ZNF385D: variants seen among roughly 807,000 people sequenced by gnomAD.
The protein encoded by ZNF385D is zinc finger protein 385D.
ZNF385D carries 15 observed loss-of-function variants against 35.8 expected under a neutral mutation model. The ratio of observed to expected loss-of-function variants is 0.42; its 90% CI spans 0.28 to 0.64. The LOEUF is 0.64. Ranked by LOEUF, ZNF385D falls within the 30% of genes least tolerant of loss-of-function variation. The pLI, the probability that ZNF385D is intolerant of heterozygous loss-of-function variation, is 0.23. For missense variants in ZNF385D, 474 were observed against 494.6 expected (o/e 0.96, Z 0.39); for synonymous variants, 212 against 186.8 (o/e 1.13, Z -1.10).
chr3:22,206,629 G>C (rs140686145), intron 2 of ZNF385D, among the ~76,000 whole-genome samples: 93 of 151,942 alleles, frequency 6.1e-4, no homozygotes, highest in African/African-American at 2.0e-3. Flanking sequence ...GCGGAAGTTT[G>C]AGAACTATAC....
chr3:22,267,900 T>A (rs1049822806), intron 2 of ZNF385D, among the ~76,000 whole-genome samples: 1 of 151,990 alleles, frequency 6.6e-6, no homozygotes, highest in African/African-American at 2.4e-5. Flanking sequence ...AATGTGTTTC[T>A]ACTTAAAGTA....
chr3:21,592,156 A>T lies in ZNF385D; in HGVS notation c.166-27472T>A, dbSNP rs548817775. On this transcript the variant is annotated intron_variant, in intron 2 of 7. Transcript: ENST00000281523. ...CTATAGTTTCTGGCATAATTTTTTC[A>T]TAATTATGATTTATGGTTATTAGTT... 3.9e-5 allele frequency among the ~76,000 whole-genome samples: 6 copies of T among 152,258 alleles called. No individual in the cohort carries two copies. In the South Asian group the frequency reaches 1.2e-3, roughly 32 times the overall value.
chr3:21,918,378 T>C (rs1286291839), intron 3 of ZNF385D, among the ~76,000 whole-genome samples: 7 of 152,152 alleles, frequency 4.6e-5, no homozygotes, highest in African/African-American at 1.7e-4. Flanking sequence ...GTTACTATCA[T>C]TGTTGTTATT....
intron 3 of ZNF385D, among the ~76,000 whole-genome samples, chr3:21,772,944 G>T (rs906365091): frequency 1.3e-5 from 2 of 151,822 alleles, no homozygotes; most frequent in African/African-American, 4.8e-5. Context: ...AAGTGAAATA[G>T]CCAATCACTA....
chr3:22,144,481 G>T (rs1466006232), intron 3 of ZNF385D, among the ~76,000 whole-genome samples: 1 of 144,700 alleles, frequency 6.9e-6, no homozygotes, highest in Non-Finnish European at 1.5e-5. Flanking sequence ...GGCTAAGGCA[G>T]GAAATTGCTT....
chr3:21,624,689 G>A lies in ZNF385D; in HGVS notation c.165+40197C>T, dbSNP rs180894526. ...TCCACCCTTTTACCCACCAAGCTCA[G>A]AAGACCCAACTCAAGCAGCATGCAG... On this transcript the variant is annotated intron_variant, in intron 2 of 7. Transcript: ENST00000281523. Among the ~76,000 whole-genome samples the A allele has an allele frequency of 4.7e-4, 72 of 152,104 alleles. 1 individual carries two copies. Among genetic ancestry groups the A allele is most frequent in the African/African-American group, 1.6e-3 (67 of 41,532 alleles).
intron 2 of ZNF385D, among the ~76,000 whole-genome samples, chr3:22,228,545 T>A (rs924962204): frequency 6.6e-6 from 1 of 152,208 alleles, no homozygotes; most frequent in African/African-American, 2.4e-5. Flanking sequence ...TTTGGTTAAG[T>A]GGTCAGTTAA....
chr3:22,191,198 G>A (rs1267443499), intron 2 of ZNF385D, among the ~76,000 whole-genome samples: 1 of 149,874 alleles, frequency 6.7e-6, no homozygotes, highest in Non-Finnish European at 1.5e-5. Flanking sequence ...GACCTTATAA[G>A]ACAACTTTGC....
chr3:21,520,459 A>T (rs1485757834), intron 3 of ZNF385D, among the ~76,000 whole-genome samples: 3 of 152,230 alleles, frequency 2.0e-5, no homozygotes, highest in Non-Finnish European at 2.9e-5. Context: ...TTGTATGTGA[A>T]CAGGGTTTAA....
At chr3:22,186,757 C>G (rs1193069576) in intron 2 of ZNF385D, among the ~76,000 whole-genome samples, 1 of 152,006 alleles carries the variant, frequency 6.6e-6, no homozygotes, top group East Asian at 1.9e-4. Flanking sequence ...TAAAATATGT[C>G]TTGTTCAAAA....
chr3:21,918,834 G>A (rs1700318986), intron 3 of ZNF385D, among the ~76,000 whole-genome samples: 1 of 152,020 alleles, frequency 6.6e-6, no homozygotes, highest in Admixed American at 6.5e-5. Context: ...ATGACTTCTT[G>A]ACAGCGAGAT....
chr3:22,013,894 T>C (rs1696722322), intron 3 of ZNF385D, among the ~76,000 whole-genome samples: 1 of 151,990 alleles, frequency 6.6e-6, no homozygotes, highest in South Asian at 2.1e-4. Flanking sequence ...CCTTATCTAA[T>C]TAAGTACAAA....
At chr3:21,989,037 G>A (rs1336074160) in intron 3 of ZNF385D, among the ~76,000 whole-genome samples, 1 of 151,920 alleles carries the variant, frequency 6.6e-6, no homozygotes, top group Non-Finnish European at 1.5e-5. Flanking sequence ...GCACCCACTG[G>A]CCTGTGCCCA....
At chr3:22,102,121 T>C (rs968588097) in intron 3 of ZNF385D, among the ~76,000 whole-genome samples, 5 of 151,906 alleles carry the variant, frequency 3.3e-5, no homozygotes, top group African/African-American at 9.7e-5. Flanking sequence ...CAAAATGCCC[T>C]TGGATTGACA....
intron 4 of ZNF385D, among the ~76,000 whole-genome samples, chr3:21,475,035 T>C (rs1704145145): frequency 6.6e-6 from 1 of 152,070 alleles, no homozygotes; most frequent in African/African-American, 2.4e-5. Context: ...ATATAGTTTA[T>C]AGAGTGAAAA....
intron 2 of ZNF385D, among the ~76,000 whole-genome samples, chr3:22,284,642 C>T (rs574984052): frequency 1.3e-4 from 20 of 152,042 alleles, no homozygotes; most frequent in South Asian, 4.2e-4. Context: ...AACTGAAAGG[C>T]CTATTCACTG....
At chr3:22,066,964 T>C (rs1699993200) in intron 3 of ZNF385D, among the ~76,000 whole-genome samples, 1 of 152,192 alleles carries the variant, frequency 6.6e-6, no homozygotes, top group Non-Finnish European at 1.5e-5. Flanking sequence ...CTTTCTAACA[T>C]CCATCAAGTC....
intron 3 of ZNF385D, among the ~76,000 whole-genome samples, chr3:22,035,493 AAAC>A (rs372524540): frequency 9.8e-5 from 15 of 152,346 alleles, no homozygotes; most frequent in Admixed American, 5.9e-4. Context: ...AGCTTCTGAA[AAAC>A]AACATTTTAA....
intron 3 of ZNF385D, among the ~76,000 whole-genome samples, chr3:22,132,532 C>T (rs1316243886): frequency 6.6e-6 from 1 of 151,980 alleles, no homozygotes; most frequent in Non-Finnish European, 1.5e-5. Context: ...GGATAGTTGG[C>T]AGAATCAATG....
Sources: gnomAD v4.1 joint callset for allele counts (sites outside exome capture counted in the v4.1 genomes callset) on GRCh38, gnomAD v4.1.1 for gene constraint, MANE v1.5 for transcripts, NCBI Gene and HGNC (gene_info 2026-07-23, HGNC 2026-07-21) for gene names.